Variants in BTBD8 observed in about 807,000 individuals in gnomAD.
BTBD8 encodes BTB domain containing 8, also known as BTB/POZ domain-containing protein 8.
BTBD8 carries 110 observed loss-of-function variants against 162.9 expected under a neutral mutation model. The observed-to-expected ratio is 0.68, with a 90% confidence interval of 0.58 to 0.79. BTBD8 has a LOEUF of 0.79. BTBD8 is among the 30% of genes least tolerant of loss of function. BTBD8 has a pLI of 0.00. For missense variants in BTBD8, 1,905 were observed against 2,085.4 expected (o/e 0.91, Z 1.68); for synonymous variants, 667 against 716.1 (o/e 0.93, Z 1.10).
intron 2 of BTBD8, among the ~76,000 whole-genome samples, chr1:92,098,327 A>G (rs1399091757): frequency 1.3e-5 from 2 of 152,170 alleles, no homozygotes; most frequent in Non-Finnish European, 2.9e-5. Flanking sequence ...CAGTCATCAG[A>G]TGATAGGCTT....
In BTBD8 at chr1:92,177,887, T is replaced by A; in HGVS notation, c.2430T>A (p.Asn810Lys). 1 of 1,512,750 alleles carries A rather than the reference T, an allele frequency of 6.6e-7. No homozygotes were observed. Among genetic ancestry groups the A allele is most frequent in the Non-Finnish European group, 9.0e-7 (1 of 1,112,306 alleles). The allele number at this position is 1,512,750 out of a possible 1,614,324, so 93.7% of individuals were successfully genotyped here. Residue 810 changes from asparagine (N) to lysine (K), a missense_variant, in exon 15 of 18, where the codon AAT becomes AAA. By Grantham distance (94) the Asn-to-Lys change is moderately conservative. Around this residue, in one of 3 missense-constraint regions of BTBD8, gnomAD observed 1,374 missense variants for 1,442.7 expected, o/e 0.95. Coordinates refer to ENST00000636805, the MANE Select transcript of BTBD8 (RefSeq NM_001376131.1). The part of the protein sequence containing the change: ...NKKSIHEQDT[N>K]VNNSVLKKVS... ...AAAGTATTCATGAACAAGACACTAA[T>A]GTAAATAACAGGTAGGTCTTCATTC...
intron 2 of BTBD8, among the ~76,000 whole-genome samples, chr1:92,095,262 G>A (rs968933071): frequency 6.6e-6 from 1 of 152,146 alleles, no homozygotes. Flanking sequence ...GCCAGAGCCA[G>A]TCAACATTAT....
rs150314170 is a variant in BTBD8 at position 92,123,021 on chromosome 1, G to A, written c.663-6666G>A. ...CTATGTATTCTAGATTTAAGTTTTT[G>A]TATATGGTGTGAGGCAAGTGTCAAG... On this transcript the variant is annotated intron_variant, in intron 4 of 17. Coordinates refer to ENST00000636805, the MANE Select transcript of BTBD8 (RefSeq NM_001376131.1). Among the ~76,000 whole-genome samples, 483 of 152,290 alleles carry A rather than the reference G, an allele frequency of 3.2e-3. 1 individual carries two copies. The highest frequency in any genetic ancestry group is 0.011 in the African/African-American group (463 of 41,554).
In BTBD8 at chr1:92,181,004, T is replaced by A; in HGVS notation, c.3321T>A (p.Val1107=). 6.4e-7 allele frequency: 1 copy of A among 1,551,814 alleles called. No individual in the cohort carries two copies. The highest frequency in any genetic ancestry group is 8.7e-7 in the Non-Finnish European group (1 of 1,147,018). The change falls in exon 17 of 18, where the codon GTT becomes GTA. Residue 1107 remains valine (V), a synonymous_variant. Transcript: ENST00000636805. The part of the protein sequence containing the change: ...PNENSLNSNP[V]CDLDSTSAGQ... ...AAAACTCCTTGAACTCTAATCCAGT[T>A]TGTGATTTAGACTCAACAAGTGCAG...
At position 92,184,326 on chromosome 1, in the gene BTBD8, A is replaced by C; in HGVS notation, c.5375A>C (p.His1792Pro). The C allele has an allele frequency of 6.5e-7, 1 of 1,537,762 alleles. No homozygotes were observed. Among genetic ancestry groups the C allele is most frequent in the Non-Finnish European group, 8.8e-7 (1 of 1,140,430 alleles). ...ACAATTCTGGAACTGGAAACTCAGCATTAAGTGTTAACATTTTGGAAAAAT... is the reference window on the plus strand; with the variant it reads ...ACAATTCTGGAACTGGAAACTCAGCCTTAAGTGTTAACATTTTGGAAAAAT... Reference protein sequence around the residue: ...EWTILELETQH With the variant: ...EWTILELETQP Residue 1792 changes from histidine (H) to proline (P), a missense_variant, in exon 18 of 18, where the codon CAT (histidine) becomes CCT (proline). His to Pro is a moderately conservative substitution (Grantham distance 77, BLOSUM62 -2). This residue lies in a region of BTBD8 where 517 missense variants were observed against 606.6 expected (regional missense o/e 0.85). Transcript: ENST00000636805.
At chr1:92,081,294 G>T (rs538555346) in intron 1 of BTBD8, among the ~76,000 whole-genome samples, 239 of 152,256 alleles carry the variant, frequency 1.6e-3, no homozygotes, top group African/African-American at 5.5e-3. Context: ...CAAATGGAGG[G>T]TCTTCCTGAC....
At chr1:92,083,977 A>G (rs1648089493) in intron 1 of BTBD8, among the ~76,000 whole-genome samples, 1 of 152,190 alleles carries the variant, frequency 6.6e-6, no homozygotes, top group Non-Finnish European at 1.5e-5. Context: ...CCAGCAAGCT[A>G]TATCCAGGAA....
chr1:92,177,925 T>C, intron 15 of BTBD8, 27 bp downstream of exon 15: 1 of 1,161,964 alleles, frequency 8.6e-7, no homozygotes, highest in Non-Finnish European at 1.2e-6. Flanking sequence ...TGTTTTAACC[T>C]ATCTGTTAGC....
chr1:92,176,118 T>A (rs524989), intron 13 of BTBD8, among the ~76,000 whole-genome samples: 5,625 of 152,050 alleles, frequency 0.037, 116 homozygotes, highest in African/African-American at 0.042. Flanking sequence ...TAAAAAAAAA[T>A]TTTTTTAAAT....
intron 4 of BTBD8, among the ~76,000 whole-genome samples, chr1:92,111,834 CAG>C (rs1393904350): frequency 2.0e-5 from 3 of 152,204 alleles, no homozygotes; most frequent in East Asian, 1.9e-4. Context: ...TGTCTTATAT[CAG>C]GGGGCAAACT....
chr1:92,138,644 G>A (rs970573960), intron 5 of BTBD8, among the ~76,000 whole-genome samples: 10 of 152,182 alleles, frequency 6.6e-5, no homozygotes, highest in African/African-American at 1.7e-4. Context: ...ATAACCAGTT[G>A]TTGTCCACCA....
At position 92,183,854 on chromosome 1, in the gene BTBD8, A is replaced by G. The variant is rs1335135409; in HGVS notation, c.4913-10A>G. The G allele has an allele frequency of 6.5e-7, 1 of 1,538,518 alleles. No homozygotes were observed. The highest frequency in any genetic ancestry group is 2.5e-5 in the East Asian group (1 of 40,752). On this transcript the variant is annotated splice_polypyrimidine_tract_variant and intron_variant, in intron 17 of 17. Transcript: ENST00000636805. ...ATTTTTACATTGTGTAGTATTATGA[A>G]TTATTTCAGGAGACATAGATGATTG...
In BTBD8 at chr1:92,183,758, T is replaced by G. The variant is rs1650992223; in HGVS notation, c.4913-106T>G. ...GAAGTTATTTTTCCCATTCTGTGTT[T>G]TTTTTTTTTTTTGACTATCACTGTT... is the stretch of plus-strand genomic sequence containing the variant. On this transcript the variant is annotated intron_variant, in intron 17 of 17. Coordinates refer to ENST00000636805, the MANE Select transcript of BTBD8 (RefSeq NM_001376131.1). 6 of 524,034 alleles carry G rather than the reference T, an allele frequency of 1.1e-5. No individual in the cohort carries two copies. The South Asian group carries it at 1.8e-4, about 16-fold the overall frequency. 32.5% of individuals were successfully genotyped at this position (524,034 alleles called of 1,614,324 possible).
chr1:92,154,586 T>G (rs1278927175), intron 9 of BTBD8, among the ~76,000 whole-genome samples: 1 of 152,234 alleles, frequency 6.6e-6, no homozygotes, highest in African/African-American at 2.4e-5. Context: ...ATGTCATCTT[T>G]GGTGAAATGT....
At chr1:92,084,032 C>A (rs1280662255) in intron 1 of BTBD8, among the ~76,000 whole-genome samples, 2 of 152,124 alleles carry the variant, frequency 1.3e-5, no homozygotes, top group Admixed American at 6.6e-5. Context: ...GTTTGACTAG[C>A]AGATTGGTAG....
intron 2 of BTBD8, among the ~76,000 whole-genome samples, chr1:92,094,203 T>G (rs767859036): frequency 3.3e-5 from 5 of 152,252 alleles, no homozygotes; most frequent in Admixed American, 2.0e-4. Flanking sequence ...TGTATTAGGT[T>G]AGTCGTGTGT....
At chr1:92,133,919 G>A (rs1007825140) in intron 5 of BTBD8, among the ~76,000 whole-genome samples, 2 of 151,324 alleles carry the variant, frequency 1.3e-5, no homozygotes, top group Non-Finnish European at 2.9e-5. Context: ...GCAGCGAGCC[G>A]AGATCGTGCC....
chr1:92,171,379 A>G lies in BTBD8; in HGVS notation c.1574-20A>G. On this transcript the variant is annotated intron_variant, in intron 12 of 17. Coordinates refer to ENST00000636805, the MANE Select transcript of BTBD8 (RefSeq NM_001376131.1). ...ATAATAATGTTCCTTATAAAAACAA[A>G]TTGCTGTTTCTTTCTACAGCTGCAT... 8 of 1,533,666 alleles carry G rather than the reference A, an allele frequency of 5.2e-6. No homozygotes were observed. The highest frequency in any genetic ancestry group is 2.5e-5 in the East Asian group (1 of 40,298).
At chr1:92,112,024 G>A (rs1648910587) in intron 4 of BTBD8, among the ~76,000 whole-genome samples, 1 of 152,164 alleles carries the variant, frequency 6.6e-6, no homozygotes, top group Non-Finnish European at 1.5e-5. Flanking sequence ...ATAAGTCAAT[G>A]ATACATAAAA....
Sources: allele counts gnomAD v4.1 joint callset (sites outside exome capture counted in the v4.1 genomes callset), GRCh38; gene constraint gnomAD v4.1.1; regional missense constraint gnomAD v4.1.1; transcripts MANE v1.5; gene names NCBI Gene and HGNC (gene_info 2026-07-23, HGNC 2026-07-21).